The following SCFD2 variants were observed in gnomAD, a reference collection of about 807,000 sequenced individuals.
SCFD2 encodes sec1 family domain-containing protein 2.
SCFD2 carries 54 observed loss-of-function variants against 58.9 expected under a neutral mutation model. The ratio of observed to expected loss-of-function variants is 0.92; its 90% CI spans 0.74 to 1.15. SCFD2 has a LOEUF of 1.15. SCFD2 is among the 50% of genes most tolerant of loss of function. The probability of loss-of-function intolerance (pLI) is 0.00; values close to 1 mark genes in which losing one functional copy is unlikely to be tolerated. For missense variants in SCFD2, 805 were observed against 836.6 expected (o/e 0.96, Z 0.47); for synonymous variants, 321 against 335.9 (o/e 0.96, Z 0.49).
chr4:53,262,884 G>A (rs1330147298), intron 4 of SCFD2, among the ~76,000 whole-genome samples: 1 of 152,152 alleles, frequency 6.6e-6, no homozygotes, highest in East Asian at 1.9e-4. Context: ...CTTAGGAAAA[G>A]CAATTATCTT....
intron 2 of SCFD2, among the ~76,000 whole-genome samples, chr4:53,348,352 C>T (rs1386433451): frequency 6.6e-6 from 1 of 152,122 alleles, no homozygotes; most frequent in Non-Finnish European, 1.5e-5. Flanking sequence ...CCTTTTAGTA[C>T]TAACATTTTT....
chr4:53,305,955 T>C (rs1474202798), intron 3 of SCFD2, among the ~76,000 whole-genome samples: 2 of 152,202 alleles, frequency 1.3e-5, no homozygotes, highest in African/African-American at 4.8e-5. Flanking sequence ...CAAGAATTTA[T>C]TTATTAATTC....
chr4:52,994,761 C>T (rs966141175), intron 5 of SCFD2, among the ~76,000 whole-genome samples: 1 of 152,064 alleles, frequency 6.6e-6, no homozygotes, highest in Admixed American at 6.5e-5. Flanking sequence ...GTTTGCAATG[C>T]AAAAACATTC....
At chr4:53,221,051 T>G (rs999877685) in intron 4 of SCFD2, among the ~76,000 whole-genome samples, 1 of 152,148 alleles carries the variant, frequency 6.6e-6, no homozygotes, top group African/African-American at 2.4e-5. Context: ...AGCAGGAGTA[T>G]CAGGAGCAAC....
chr4:53,192,119 C>A (rs1727931904), intron 4 of SCFD2, among the ~76,000 whole-genome samples: 1 of 152,154 alleles, frequency 6.6e-6, no homozygotes, highest in African/African-American at 2.4e-5. Flanking sequence ...TAAAAATCTG[C>A]AACTTTAAGC....
chr4:53,298,402 G>A (rs1323522524), intron 3 of SCFD2, among the ~76,000 whole-genome samples: 1 of 152,178 alleles, frequency 6.6e-6, no homozygotes, highest in African/African-American at 2.4e-5. Flanking sequence ...TGGGGGAGGG[G>A]CGCCCACCAT....
At chr4:53,033,818 A>G (rs1722684274) in intron 5 of SCFD2, among the ~76,000 whole-genome samples, 1 of 151,132 alleles carries the variant, frequency 6.6e-6, no homozygotes, top group Non-Finnish European at 1.5e-5. Context: ...AATTGAGGCA[A>G]TAACAGCCAC....
intron 3 of SCFD2, among the ~76,000 whole-genome samples, chr4:53,311,079 C>T (rs1732674839): frequency 6.6e-6 from 1 of 152,140 alleles, no homozygotes; most frequent in Admixed American, 6.5e-5. Context: ...TTTACAAGTT[C>T]CAGTTCTCTT....
Position 53,365,426 on chromosome 4 carries a change from A to G in SCFD2, c.516T>C (p.Ala172=). The G allele has an allele frequency of 6.2e-7, 1 of 1,614,158 alleles. No individual in the cohort carries two copies. The highest frequency in any genetic ancestry group is 8.5e-7 in the Non-Finnish European group (1 of 1,180,028). ...PVAPHFALTP[A]FASLFPLLPQ... The stretch of plus-strand genomic sequence containing the variant: ...GTAGCAGTGGGAAAAGGGATGCAAA[A>G]GCTGGAGTCAAGGCAAAGTGGGGAG... Residue 172 remains alanine (A), a synonymous_variant, in exon 1 of 9, where the codon GCT becomes GCC. Transcript: ENST00000401642. This position sits in a 1 kb window ranked among gnomAD's most constrained non-coding sequence, Gnocchi z 4.3.
chr4:53,194,358 T>C (rs1213362683), intron 4 of SCFD2, among the ~76,000 whole-genome samples: 2 of 152,210 alleles, frequency 1.3e-5, no homozygotes, highest in Admixed American at 6.6e-5. Context: ...ATTCCAATTA[T>C]GTAAAGAAAA....
rs567005992 is a variant in SCFD2 at position 53,248,362 on chromosome 4, G to C, written c.1311+25464C>G. 3.5e-3 allele frequency among the ~76,000 whole-genome samples: 530 copies of C among 152,356 alleles called. 4 individuals carry two copies. The highest frequency in any genetic ancestry group is 0.01 in the Middle Eastern group (3 of 294). Reference sequence around the variant, plus strand: ...GGATGGGGGAGGGGCGCCCGCCATTGCTCAGGCTTCCTTAAGTAAACAAAG... The same window carrying C: ...GGATGGGGGAGGGGCGCCCGCCATTCCTCAGGCTTCCTTAAGTAAACAAAG... On this transcript the variant is annotated intron_variant, in intron 4 of 8. Coordinates refer to ENST00000401642, the MANE Select transcript of SCFD2 (RefSeq NM_152540.4).
At chr4:53,251,677 T>G (rs1173902561) in intron 4 of SCFD2, among the ~76,000 whole-genome samples, 2 of 151,908 alleles carry the variant, frequency 1.3e-5, no homozygotes, top group Admixed American at 1.3e-4. Context: ...TTGACAAAAT[T>G]CAACAACCCT....
chr4:53,152,360 A>G (rs1726536028), intron 4 of SCFD2, among the ~76,000 whole-genome samples: 1 of 151,278 alleles, frequency 6.6e-6, no homozygotes, highest in Non-Finnish European at 1.5e-5. Context: ...GGCTAAGTGA[A>G]AAAAAAAAAT....
intron 5 of SCFD2, among the ~76,000 whole-genome samples, chr4:52,971,820 C>G (rs1187689465): frequency 2.0e-5 from 3 of 152,144 alleles, no homozygotes; most frequent in Non-Finnish European, 2.9e-5. Flanking sequence ...CAGATCTCTC[C>G]GCAGAAACTC....
intron 5 of SCFD2, among the ~76,000 whole-genome samples, chr4:52,982,348 C>T (rs781366857): frequency 6.6e-6 from 1 of 152,178 alleles, no homozygotes; most frequent in East Asian, 1.9e-4. Flanking sequence ...ATGGTAGACA[C>T]ATTTATTGGT....
chr4:52,998,930 C>T (rs1721804769), intron 5 of SCFD2, among the ~76,000 whole-genome samples: 1 of 152,092 alleles, frequency 6.6e-6, no homozygotes, highest in African/African-American at 2.4e-5. Context: ...GAACAAAGTT[C>T]CATGAAAATA....
intron 2 of SCFD2, among the ~76,000 whole-genome samples, chr4:53,330,204 C>G (rs921495684): frequency 6.6e-6 from 1 of 152,104 alleles, no homozygotes; most frequent in East Asian, 1.9e-4. Flanking sequence ...TCCCCAATCT[C>G]GCAAGGCAAG....
intron 4 of SCFD2, among the ~76,000 whole-genome samples, chr4:53,251,422 C>A (rs1409440556): frequency 6.6e-6 from 1 of 152,036 alleles, no homozygotes; most frequent in Admixed American, 6.6e-5. Context: ...CTGGCAGAGA[C>A]ACAACAAAAA....
At chr4:53,298,970 G>A (rs1249511469) in intron 3 of SCFD2, among the ~76,000 whole-genome samples, 3 of 152,080 alleles carry the variant, frequency 2.0e-5, no homozygotes, top group Non-Finnish European at 4.4e-5. Context: ...AAGACCAAAG[G>A]AAGATAAAAC....
Sources: gnomAD v4.1 joint callset for allele counts (sites outside exome capture counted in the v4.1 genomes callset) on GRCh38, gnomAD v4.1.1 for gene constraint, Gnocchi (gnomAD v3.1) non-coding constraint, MANE v1.5 for transcripts, NCBI Gene and HGNC (gene_info 2026-07-23, HGNC 2026-07-21) for gene names.